STK32C: variants seen among roughly 807,000 people sequenced by gnomAD.
The protein encoded by STK32C is serine/threonine kinase 32C.
In STK32C, 31 loss-of-function variants were observed where a neutral mutation model predicts 56.5. That is an observed-to-expected ratio of 0.55 (90% CI 0.41 to 0.74). The LOEUF is 0.74. Among genes scored for constraint, STK32C ranks in the 30% least tolerant of loss-of-function variants. The pLI, the probability that STK32C is intolerant of heterozygous loss-of-function variation, is 0.00. For missense variants in STK32C, 544 were observed against 676.9 expected (o/e 0.80, Z 2.18); for synonymous variants, 309 against 289.4 (o/e 1.07, Z -0.69).
intron 1 of STK32C, among the ~76,000 whole-genome samples, chr10:132,306,281 A>G (rs1394328837): frequency 6.6e-6 from 1 of 152,274 alleles, no homozygotes; most frequent in African/African-American, 2.4e-5. Flanking sequence ...CAGAAACGAG[A>G]GGCAAATCTG....
At chr10:132,308,477 T>C (rs1171808124), upstream of STK32C, among the ~76,000 whole-genome samples, 1 of 151,014 alleles carries the variant, frequency 6.6e-6, no homozygotes, top group Non-Finnish European at 1.5e-5. Flanking sequence ...GAGGCCGGGC[T>C]GCAGGCCCGG....
At chr10:132,219,717 C>CGA (rs1470695094) in intron 10 of STK32C, among the ~76,000 whole-genome samples, 1 of 152,086 alleles carries the variant, frequency 6.6e-6, no homozygotes. Flanking sequence ...GGAGGAGGGG[C>CGA]GAGGATGGGA....
At position 132,225,355 on chromosome 10, in the gene STK32C, G is replaced by GA; in HGVS notation, c.773-20dup. 3 of 1,601,136 alleles carry GA rather than the reference G, an allele frequency of 1.9e-6. No homozygotes were observed. Among genetic ancestry groups the GA allele is most frequent in the Non-Finnish European group, 1.7e-6 (2 of 1,174,358 alleles). ...TCCGGAGCTTTCCGACAGAAAGAAG[G>GA]AAAAACAGCTGCCACGGGGTCACAG... is the stretch of plus-strand genomic sequence containing the variant. On this transcript the variant is annotated intron_variant, in intron 6 of 11. Coordinates refer to ENST00000298630, the MANE Select transcript of STK32C (RefSeq NM_173575.4).
intron 2 of STK32C, among the ~76,000 whole-genome samples, chr10:132,229,699 AC>A (rs2063025285): frequency 6.6e-6 from 1 of 152,246 alleles, no homozygotes; most frequent in South Asian, 2.1e-4. Context: ...CGGGGCCCTT[AC>A]TGGAGACCCC....
At chr10:132,320,234 A>T (rs866189919), downstream of STK32C, among the ~76,000 whole-genome samples, 3 of 152,068 alleles carry the variant, frequency 2.0e-5, no homozygotes, top group Admixed American at 2.0e-4. Flanking sequence ...CTATGGCTGA[A>T]TGTGTCCTCC....
chr10:132,291,946 G>C (rs1039967440), intron 1 of STK32C, among the ~76,000 whole-genome samples: 2 of 152,134 alleles, frequency 1.3e-5, no homozygotes, highest in Non-Finnish European at 2.9e-5. Context: ...AGTGGGGAGC[G>C]GGGAAGAAGA....
chr10:132,313,480 AC>A (rs1424519626), intron 1 of STK32C, among the ~76,000 whole-genome samples: 2 of 152,336 alleles, frequency 1.3e-5, no homozygotes, highest in Middle Eastern at 3.4e-3. Context: ...TGGAGCGTGC[AC>A]CCCTCTCAGC....
intron 1 of STK32C, among the ~76,000 whole-genome samples, chr10:132,318,113 C>A (rs1420135914): frequency 6.6e-6 from 1 of 151,146 alleles, no homozygotes; most frequent in East Asian, 2.0e-4. Context: ...ACTTAAAATA[C>A]AAAAATTAGC....
exon 2 of STK32C, chr10:132,324,176 C>T: frequency 1.3e-6 from 1 of 771,126 alleles, no homozygotes; most frequent in Admixed American, 1.7e-5. Context: ...CTGAGTCTCC[C>T]TGGGTACTGA....
Position 132,207,675 on chromosome 10 carries a change from G to A in STK32C, c.*335C>T, listed in dbSNP as rs114362633. 254 of 237,882 alleles carry A rather than the reference G, an allele frequency of 1.1e-3. No individual in the cohort carries two copies. The highest frequency in any genetic ancestry group is 5.3e-3 in the African/African-American group (238 of 44,782). The allele number at this position is 237,882 out of a possible 1,614,324, so 14.7% of individuals were successfully genotyped here. ...CAAGGGTCACCTTGTGACGAGGGCC[G>A]TGCACAGCCTCCGGGCTGAGCAGGG... is the stretch of plus-strand genomic sequence containing the variant. On this transcript the variant is annotated 3_prime_UTR_variant, in exon 12 of 12. Coordinates refer to ENST00000298630, the MANE Select transcript of STK32C (RefSeq NM_173575.4).
chr10:132,271,186 G>C (rs1294049401), intron 1 of STK32C, among the ~76,000 whole-genome samples: 1 of 152,158 alleles, frequency 6.6e-6, no homozygotes, highest in East Asian at 1.9e-4. Flanking sequence ...CTGACCCATG[G>C]CTGGGGACTG....
chr10:132,261,863 T>C (rs2064316574), intron 1 of STK32C, among the ~76,000 whole-genome samples: 1 of 152,220 alleles, frequency 6.6e-6, no homozygotes, highest in African/African-American at 2.4e-5. Context: ...AAAATGGCCA[T>C]ACTGCCCAAA....
chr10:132,286,118 T>TTC (rs1364080441), intron 1 of STK32C, among the ~76,000 whole-genome samples: 1 of 149,786 alleles, frequency 6.7e-6, no homozygotes, highest in African/African-American at 2.5e-5. Flanking sequence ...GGAGCGAGAC[T>TTC]CTGTCTCAAA....
chr10:132,243,781 G>A (rs1479141149), intron 2 of STK32C, among the ~76,000 whole-genome samples: 2 of 152,148 alleles, frequency 1.3e-5, no homozygotes, highest in Non-Finnish European at 2.9e-5. Context: ...CATTTGGCAG[G>A]ACCCGACTCT....
In STK32C at chr10:132,267,713, A is replaced by ATGCCTGTCTG. The variant is rs1565129003; in HGVS notation, c.263-21759_263-21758insCAGACAGGCA. On this transcript the variant is annotated intron_variant, in intron 1 of 11. Transcript: ENST00000298630. ...TGCATGCAGGTTCAGCTCTATGTCT[A>ATGCCTGTCTG]TGTGCATGCATGTCCCACATCGTGT... Among the ~76,000 whole-genome samples, 168 of 32,148 alleles carry ATGCCTGTCTG rather than the reference A, an allele frequency of 5.2e-3. 72 individuals carry two copies. Among genetic ancestry groups the ATGCCTGTCTG allele is most frequent in the Non-Finnish European group, 8.6e-3 (140 of 16,360 alleles). The allele number at this position is 32,148 out of a possible 152,430, so 21.1% of individuals were successfully genotyped here. A position where few individuals can be genotyped will look rare whatever the true frequency, so the allele number is the denominator to read the frequency against.
At position 132,222,978 on chromosome 10, in the gene STK32C, A is replaced by G. The variant is rs2062736825; in HGVS notation, c.1002T>C (p.Thr334=). ...TGGAGAGCCGGTGCTCGGGGTTCAC[A>G]GTGAGGAGCTGCAACCAGGCATGAG... ...EMVALLRKLL[T]VNPEHRLSSL... Residue 334 remains threonine (T), a synonymous_variant, in exon 9 of 12, where the codon ACT becomes ACC. Coordinates refer to ENST00000298630, the MANE Select transcript of STK32C (RefSeq NM_173575.4). The G allele has an allele frequency of 1.9e-6, 3 of 1,550,198 alleles. No homozygotes were observed. Among genetic ancestry groups the G allele is most frequent in the Non-Finnish European group, 8.7e-7 (1 of 1,151,826 alleles).
intron 2 of STK32C, among the ~76,000 whole-genome samples, chr10:132,232,110 A>G (rs1263003398): frequency 6.6e-6 from 1 of 152,196 alleles, no homozygotes; most frequent in African/African-American, 2.4e-5. Context: ...ACCTGCGCTC[A>G]CGCTGCGCCC....
chr10:132,328,838 CCTCT>C (rs2066563478), intron 1 of STK32C, among the ~76,000 whole-genome samples: 1 of 152,250 alleles, frequency 6.6e-6, no homozygotes, highest in Admixed American at 6.5e-5. Flanking sequence ...TTCGGCCCAG[CCTCT>C]TGCTGGCTCC....
intron 1 of STK32C, among the ~76,000 whole-genome samples, chr10:132,256,296 C>T (rs1007824384): frequency 1.3e-5 from 2 of 152,114 alleles, no homozygotes; most frequent in African/African-American, 2.4e-5. Context: ...ACCCTGTTGG[C>T]GGCAGCATTC....
Sources: allele counts gnomAD v4.1 joint callset (sites outside exome capture counted in the v4.1 genomes callset), GRCh38; gene constraint gnomAD v4.1.1; transcripts MANE v1.5; gene names NCBI Gene and HGNC (gene_info 2026-07-23, HGNC 2026-07-21).